PHF19: variants seen among roughly 807,000 people sequenced by gnomAD.
PHF19 encodes the protein PHD finger protein 19, also known as polycomb like 3.
Under a neutral mutation model 79.8 loss-of-function variants are expected in PHF19, and 21 were observed. The ratio of observed to expected loss-of-function variants is 0.26; its 90% CI spans 0.19 to 0.38. PHF19 has a LOEUF of 0.38. PHF19 is among the 10% of genes least tolerant of loss of function. The pLI is 1.00. For synonymous variants in PHF19, 273 were observed against 296.3 expected (o/e 0.92, Z 0.81); for missense variants, 445 against 744.2 (o/e 0.60, Z 4.68).
chr9:120,869,920 G>A lies in PHF19; in HGVS notation c.390C>T (p.Pro130=), dbSNP rs779809871. The A allele has an allele frequency of 9.4e-6, 15 of 1,587,744 alleles. No individual in the cohort carries two copies. In the African/African-American group the frequency reaches 2.0e-4, roughly 21 times the overall value. The change falls in exon 5 of 15, where the codon CCC becomes CCT. Residue 130 remains proline, a synonymous_variant. Transcript: ENST00000373896. The surrounding 1 kb of genome is among the most constrained non-coding windows in gnomAD (Gnocchi z 5.8). ...GGGGCTGGTCAGCACTGCCCGCTAT[G>A]GGGATGTGGCACTGCTGGTGGTAAC... ...GLGYHQQCHI[P]IAGSADQPLL...
intron 1 of PHF19, among the ~76,000 whole-genome samples, chr9:120,893,619 A>T (rs2046369061): frequency 6.6e-6 from 1 of 152,046 alleles, no homozygotes; most frequent in African/African-American, 2.4e-5. Flanking sequence ...CGGTTCCTTG[A>T]CCTTTTGCTT....
intron 9 of PHF19, among the ~76,000 whole-genome samples, chr9:120,864,554 G>A (rs903246789): frequency 6.6e-6 from 1 of 152,120 alleles, no homozygotes; most frequent in African/African-American, 2.4e-5. Context: ...AATTTGGCGG[G>A]CGCCTATAAT....
At chr9:120,889,876 A>C (rs1249835058) in intron 1 of PHF19, among the ~76,000 whole-genome samples, 1 of 152,154 alleles carries the variant, frequency 6.6e-6, no homozygotes, top group African/African-American at 2.4e-5. Context: ...AAGGAAGGAA[A>C]GAGTGGACAG....
intron 1 of PHF19, among the ~76,000 whole-genome samples, chr9:120,876,704 C>G (rs1385192479): frequency 6.6e-6 from 1 of 152,174 alleles, no homozygotes; most frequent in Non-Finnish European, 1.5e-5. Flanking sequence ...GCAGAAGCAC[C>G]CCCTTCGGGT....
At chr9:120,880,836 TG>T (rs2046169824), upstream of PHF19, among the ~76,000 whole-genome samples, 1 of 152,056 alleles carries the variant, frequency 6.6e-6, no homozygotes, top group African/African-American at 2.4e-5. Flanking sequence ...GGCATGCACC[TG>T]TAGTCCCAGC....
chr9:120,876,437 G>T (rs1321383761), intron 1 of PHF19: 1 of 151,868 alleles, frequency 6.6e-6, no homozygotes, highest in African/African-American at 2.4e-5. Flanking sequence ...CCGGGCGGGG[G>T]CCCCCGGGTG....
upstream of PHF19, among the ~76,000 whole-genome samples, chr9:120,896,023 A>C (rs2046398390): frequency 6.6e-6 from 1 of 151,896 alleles, no homozygotes; most frequent in Non-Finnish European, 1.5e-5. Context: ...TTACCAAAAA[A>C]CTCCAAGCTT....
chr9:120,868,896 C>T (rs1386677529), intron 6 of PHF19: 4 of 1,043,074 alleles, frequency 3.8e-6, no homozygotes, highest in Non-Finnish European at 3.6e-6. Context: ...GGCCCGCCCC[C>T]CGAGGCCCCG....
At position 120,866,160 on chromosome 9, in the gene PHF19, G is replaced by C; in HGVS notation, c.711-64C>G. 1 of 1,181,174 alleles carries C rather than the reference G, an allele frequency of 8.5e-7. No individual in the cohort carries two copies. The highest frequency in any genetic ancestry group is 1.3e-6 in the Non-Finnish European group (1 of 786,044). 73.2% of individuals were successfully genotyped at this position (1,181,174 alleles called of 1,614,324 possible). A position where few individuals can be genotyped will look rare whatever the true frequency, so the allele number is the denominator to read the frequency against. Reference sequence around the variant, plus strand: ...GCTCTGACACCCCCACCCCAGTCCAGCCCCTTGATCTCCTCATTCCCCACC... The same window carrying C: ...GCTCTGACACCCCCACCCCAGTCCACCCCCTTGATCTCCTCATTCCCCACC... On this transcript the variant is annotated intron_variant, in intron 7 of 14. Transcript: ENST00000373896. This position sits in a 1 kb window ranked among gnomAD's most constrained non-coding sequence, Gnocchi z 5.2.
chr9:120,892,377 C>A (rs1027149531), intron 1 of PHF19, among the ~76,000 whole-genome samples: 3 of 152,092 alleles, frequency 2.0e-5, no homozygotes, highest in Non-Finnish European at 2.9e-5. Flanking sequence ...CAGGAAACGG[C>A]CCCTGAGACT....
At position 120,866,087 on chromosome 9, in the gene PHF19, C is replaced by G; in HGVS notation, c.720G>C (p.Leu240=). ...CCTGGTTACACACGGAGCAGAAGAACAGGTAAAACCTGTGGGTGGGTAGAG... is the reference window on the plus strand; with the variant it reads ...CCTGGTTACACACGGAGCAGAAGAAGAGGTAAAACCTGTGGGTGGGTAGAG... ...EPMMFGDRFY[L]FFCSVCNQGP... is the part of the protein sequence containing the mutation. The change falls in exon 8 of 15, where the codon CTG becomes CTC. Residue 240 remains leucine (L), a synonymous_variant. Coordinates refer to ENST00000373896, the MANE Select transcript of PHF19 (RefSeq NM_015651.3). The surrounding 1 kb of genome is among the most constrained non-coding windows in gnomAD (Gnocchi z 5.2). The G allele has an allele frequency of 6.2e-7, 1 of 1,613,802 alleles. No homozygotes were observed. Among genetic ancestry groups the G allele is most frequent in the Non-Finnish European group, 8.5e-7 (1 of 1,179,768 alleles).
At position 120,863,903 on chromosome 9, in the gene PHF19, C is replaced by G. The variant is rs913386640; in HGVS notation, c.968+146G>C. On this transcript the variant is annotated intron_variant, in intron 10 of 14. Transcript: ENST00000373896. Reference sequence around the variant, plus strand: ...TGGCTGTGCAAAGGAGGTGGGGTACCCCCTGGATCTCGGAGAATGGAAATG... The same window carrying G: ...TGGCTGTGCAAAGGAGGTGGGGTACGCCCTGGATCTCGGAGAATGGAAATG... The G allele has an allele frequency of 7.0e-6, 5 of 718,466 alleles. No individual in the cohort carries two copies. In the African/African-American group the frequency reaches 7.0e-5, roughly 10 times the overall value. 44.5% of individuals were successfully genotyped at this position (718,466 alleles called of 1,614,324 possible).
intron 9 of PHF19, among the ~76,000 whole-genome samples, chr9:120,864,826 C>T (rs551147456): frequency 2.6e-5 from 4 of 151,582 alleles, no homozygotes; most frequent in South Asian, 4.2e-4. Flanking sequence ...AGAAGAGAGT[C>T]GGAAAGGAAA....
intron 6 of PHF19, among the ~76,000 whole-genome samples, chr9:120,867,567 C>G (rs144985685): frequency 6.6e-5 from 10 of 152,292 alleles, no homozygotes; most frequent in African/African-American, 2.4e-4. Flanking sequence ...CACTGCAGAC[C>G]TATTCAATCT....
chr9:120,858,203 T>A lies in PHF19; in HGVS notation c.1484A>T (p.Asp495Val). Residue 495 changes from aspartate (D) to valine (V), a missense_variant, in exon 15 of 15, where the codon GAT (aspartate) becomes GTT (valine). This residue lies in a region of PHF19 where 125 missense variants were observed against 180.5 expected (regional missense o/e 0.69). Coordinates refer to ENST00000373896, the MANE Select transcript of PHF19 (RefSeq NM_015651.3). ...ACTGCTGTCCGAGGGGCAGCGTCCA[T>A]CCAGCTCAGCTGCCCACCGCTTTGC... ...LRAKRWAAEL[D>V]GRCPSDSSAE... 1 of 1,593,138 alleles carries A rather than the reference T, an allele frequency of 6.3e-7. No homozygotes were observed. Among genetic ancestry groups the A allele is most frequent in the Non-Finnish European group, 8.6e-7 (1 of 1,164,198 alleles).
At chr9:120,892,028 C>A (rs1205559662) in intron 1 of PHF19, among the ~76,000 whole-genome samples, 1 of 152,224 alleles carries the variant, frequency 6.6e-6, no homozygotes, top group Non-Finnish European at 1.5e-5. Flanking sequence ...CTGGCTCTAG[C>A]AAATTCTTGT....
upstream of PHF19, among the ~76,000 whole-genome samples, chr9:120,877,587 AAC>A (rs1290668703): frequency 1.3e-5 from 2 of 152,098 alleles, no homozygotes; most frequent in Admixed American, 6.5e-5. Context: ...TTGTTGAGGA[AAC>A]ACAGCTCTGC....
upstream of PHF19, among the ~76,000 whole-genome samples, chr9:120,899,389 G>A (rs2046423585): frequency 2.0e-5 from 3 of 151,362 alleles, no homozygotes; most frequent in South Asian, 6.3e-4. Context: ...CCAGCTACTC[G>A]GGAGGCTGAA....
At chr9:120,892,865 GT>G (rs2131600719) in intron 1 of PHF19, among the ~76,000 whole-genome samples, 1 of 152,328 alleles carries the variant, frequency 6.6e-6, no homozygotes, top group African/African-American at 2.4e-5. Flanking sequence ...TCATTTTGTG[GT>G]TGCACACAGG....
Sources: gnomAD v4.1 joint callset for allele counts (sites outside exome capture counted in the v4.1 genomes callset) on GRCh38, gnomAD v4.1.1 for gene constraint, gnomAD v4.1.1 regional missense constraint, Gnocchi (gnomAD v3.1) non-coding constraint, MANE v1.5 for transcripts, NCBI Gene and HGNC (gene_info 2026-07-23, HGNC 2026-07-21) for gene names.